The following MGA variants were observed in gnomAD, a reference collection of about 807,000 sequenced individuals.
MGA encodes the protein MAX dimerization protein MGA, also known as MAX gene-associated protein.
A neutral mutation model predicts 261.1 loss-of-function variants in MGA; 40 were observed. The observed-to-expected ratio is 0.15, with a 90% CI of 0.12 to 0.20. The LOEUF (loss-of-function observed/expected upper bound fraction) is 0.20, where lower values mean the gene tolerates loss of function less well. MGA is among the 10% of genes least tolerant of loss of function. The pLI, the probability that MGA is intolerant of heterozygous loss-of-function variation, is 1.00. For missense variants in MGA, 3,397 were observed against 3,630.5 expected, an observed-to-expected ratio of 0.94 and a Z score of 1.65; for synonymous variants, 1,302 against 1,290.6, an observed-to-expected ratio of 1.01 and a Z score of -0.19.
chr15:41,624,877 C>T (rs9672671), intron 1 of MGA, among the ~76,000 whole-genome samples: 43,652 of 152,104 alleles, frequency 0.29, 7,382 homozygotes, highest in Admixed American at 0.38. Flanking sequence ...GCACGTGGCT[C>T]ATGTCTATAA....
chr15:41,764,895 C>T lies in MGA; in HGVS notation c.7754C>T (p.Ser2585Leu), dbSNP rs1303212719. 7 of 1,613,686 alleles carry T rather than the reference C, an allele frequency of 4.3e-6. No homozygotes were observed. In the East Asian group the frequency reaches 1.3e-4, roughly 31 times the overall value. Reference sequence around the variant, plus strand: ...CTGATCTTTCTTACAGAAAATACCTCACCCTTGAACACTCCACACACCTCT... The same window carrying T: ...CTGATCTTTCTTACAGAAAATACCTTACCCTTGAACACTCCACACACCTCT... Residue 2585 changes from serine to leucine, a missense_variant, in exon 23 of 24, where the codon TCA (serine) becomes TTA (leucine). By Grantham distance (145) the Ser-to-Leu change is moderately radical. Coordinates refer to ENST00000219905, the MANE Select transcript of MGA (RefSeq NM_001164273.2).
chr15:41,705,508 C>A (rs76054477), intron 5 of MGA, among the ~76,000 whole-genome samples: 1 of 152,066 alleles, frequency 6.6e-6, no homozygotes, highest in Admixed American at 6.6e-5. Flanking sequence ...ATCACAGGCA[C>A]GTGCCATTAC....
chr15:41,646,615 A>T (rs1461885975), intron 1 of MGA, among the ~76,000 whole-genome samples: 1 of 151,084 alleles, frequency 6.6e-6, no homozygotes, highest in Admixed American at 6.6e-5. Context: ...GAGCCACTGG[A>T]GGGAGAATTG....
chr15:41,713,801 C>T (rs1347095801), intron 9 of MGA, among the ~76,000 whole-genome samples: 1 of 152,040 alleles, frequency 6.6e-6, no homozygotes, highest in Admixed American at 6.6e-5. Context: ...TGCGCATGTG[C>T]ACACACACAC....
At chr15:41,701,809 A>G (rs1284831717) in intron 5 of MGA, among the ~76,000 whole-genome samples, 1 of 152,218 alleles carries the variant, frequency 6.6e-6, no homozygotes, top group Non-Finnish European at 1.5e-5. Context: ...CACCTTCTTT[A>G]TAGATTCTAC....
intron 1 of MGA, among the ~76,000 whole-genome samples, chr15:41,624,367 C>T (rs569929323): frequency 5.9e-5 from 9 of 152,168 alleles, no homozygotes; most frequent in Non-Finnish European, 1.3e-4. Context: ...TCTGCCTCAG[C>T]CTCTCAAGTA....
chr15:41,668,788 G>A, intron 1 of MGA, 40 bp from the exon 2 acceptor site: 1 of 702,568 alleles, frequency 1.4e-6, no homozygotes, highest in Non-Finnish European at 2.3e-6. Flanking sequence ...TTGATTAAAG[G>A]GTGTTTTTTG....
chr15:41,697,617 A>G (rs528305955), intron 3 of MGA, among the ~76,000 whole-genome samples: 3 of 151,986 alleles, frequency 2.0e-5, no homozygotes, highest in South Asian at 2.1e-4. Context: ...GGGTTTTGCA[A>G]TGTTGGCCAG....
At chr15:41,656,379 A>ACACACC (rs71737746), upstream of MGA, among the ~76,000 whole-genome samples, 611 of 30,900 alleles carry the variant, frequency 0.02, 10 homozygotes, top group African/African-American at 0.035. Context: ...TCTCTCTCTC[A>ACACACC]CACCCAGGCT....
rs755488942 is a variant in MGA, at chr15:41,669,737, GAAT to G, written c.848_850del (p.Asn283del). ...AAAAGAACAGCTCTGACCAAGAAGG[GAAT>G]AATATTTCCAGTTCTTCTGGTCATC... On this transcript the variant is annotated inframe_deletion, in exon 2 of 24. Transcript: ENST00000219905. 4 of 1,613,636 alleles carry G rather than the reference GAAT, an allele frequency of 2.5e-6. No homozygotes were observed. The highest frequency in any genetic ancestry group is 3.4e-6 in the Non-Finnish European group (4 of 1,179,718).
Position 41,696,618 on chromosome 15 carries a change from T to C in MGA, c.1608T>C (p.Asp536=), listed in dbSNP as rs2151300231. Residue 536 remains aspartate, a synonymous_variant, in exon 3 of 24, where the codon GAT becomes GAC. Coordinates refer to ENST00000219905, the MANE Select transcript of MGA (RefSeq NM_001164273.2). ...ATGGTCTTAGAAAACATTCACCAGA[T>C]CTCAGAGTGGTACAAAAATATCCCT... 1 of 1,613,794 alleles carries C rather than the reference T, an allele frequency of 6.2e-7. No homozygotes were observed. Among genetic ancestry groups the C allele is most frequent in the Non-Finnish European group, 8.5e-7 (1 of 1,179,802 alleles).
In MGA at chr15:41,708,182, A is replaced by G. The variant is rs778558879; in HGVS notation, c.2399A>G (p.His800Arg). 2 of 1,598,236 alleles carry G rather than the reference A, an allele frequency of 1.3e-6. No homozygotes were observed. Among genetic ancestry groups the G allele is most frequent in the South Asian group, 2.3e-5 (2 of 87,920 alleles). ...ATCAAGGGATGGAGGGGAAAATTTC[A>G]TAGTGCTTCTGCATCTAGGAATGAA... Residue 800 changes from histidine (H) to arginine (R), a missense_variant, in exon 7 of 24, where the codon CAT (histidine) becomes CGT (arginine). Transcript: ENST00000219905.
At chr15:41,705,585 C>T (rs966303233) in intron 5 of MGA, among the ~76,000 whole-genome samples, 28 of 152,068 alleles carry the variant, frequency 1.8e-4, no homozygotes, top group African/African-American at 6.3e-4. Context: ...TCATCTTGAA[C>T]TTTCGGGCTC....
intron 2 of MGA, among the ~76,000 whole-genome samples, chr15:41,675,554 T>C (rs1274950974): frequency 2.6e-5 from 4 of 152,058 alleles, no homozygotes; most frequent in African/African-American, 9.7e-5. Flanking sequence ...TTAAAAAAGA[T>C]TTATGTAGAA....
In MGA at chr15:41,710,891, T is replaced by A; in HGVS notation, c.2626T>A (p.Ser876Thr). 2 of 1,613,874 alleles carry A rather than the reference T, an allele frequency of 1.2e-6. No homozygotes were observed. Among genetic ancestry groups the A allele is most frequent in the Admixed American group, 3.3e-5 (2 of 60,002 alleles). ...ACTTGATAGTGTACTAAAGAAGCAA[T>A]CTACTATTTCCCCTTCTACCTCTTA... Residue 876 changes from serine (S) to threonine (T), a missense_variant, in exon 8 of 24, where the codon TCT (serine) becomes ACT (threonine). Ser to Thr is a moderately conservative substitution (Grantham distance 58). This residue lies in a region of MGA where 519 missense variants were observed against 554.1 expected (regional missense o/e 0.94). Transcript: ENST00000219905.
intron 17 of MGA, chr15:41,750,991 T>A: frequency 5.9e-6 from 1 of 168,786 alleles, no homozygotes. Context: ...AATCAGAAAC[T>A]GGGAATGGGT....
In MGA at chr15:41,705,309, A is replaced by G. The variant is rs944514416; in HGVS notation, c.2189-2419A>G. Among the ~76,000 whole-genome samples, 6 of 150,760 alleles carry G rather than the reference A, an allele frequency of 4.0e-5. No individual in the cohort carries two copies. The East Asian group carries it at 7.7e-4, about 19-fold the overall frequency. ...CCTCTCGTAGGGACTTATTTACCCT[A>G]TGCTACCTACTGAAAGTCAGTTGGG... On this transcript the variant is annotated intron_variant, in intron 5 of 23. Coordinates refer to ENST00000219905, the MANE Select transcript of MGA (RefSeq NM_001164273.2).
intron 1 of MGA, among the ~76,000 whole-genome samples, chr15:41,641,940 T>G (rs969583763): frequency 6.6e-6 from 1 of 151,888 alleles, no homozygotes; most frequent in African/African-American, 2.4e-5. Flanking sequence ...GGACTACAGG[T>G]GCACGCCACC....
At chr15:41,752,564 T>TG (rs1034410782) in intron 17 of MGA, among the ~76,000 whole-genome samples, 5 of 149,002 alleles carry the variant, frequency 3.4e-5, no homozygotes, top group African/African-American at 1.2e-4. Context: ...TTTTTTTTTT[T>TG]TTTTTTTTTT....
Sources: gnomAD v4.1 joint callset for allele counts (sites outside exome capture counted in the v4.1 genomes callset) on GRCh38, gnomAD v4.1.1 for gene constraint, gnomAD v4.1.1 regional missense constraint, MANE v1.5 for transcripts, NCBI Gene and HGNC (gene_info 2026-07-23, HGNC 2026-07-21) for gene names.